The following RUNX1 variants were observed in gnomAD, a reference collection of about 807,000 sequenced individuals.
RUNX1 encodes the protein runt-related transcription factor 1.
Under a neutral mutation model 42.8 loss-of-function variants are expected in RUNX1, and 19 were observed. The ratio of observed to expected loss-of-function variants is 0.44; its 90% CI spans 0.31 to 0.65. The LOEUF is 0.65. RUNX1 is among the 30% of genes least tolerant of loss of function. The probability of loss-of-function intolerance (pLI) is 0.07; values close to 1 mark genes in which losing one functional copy is unlikely to be tolerated. For synonymous variants in RUNX1, 271 were observed against 289.4 expected (o/e 0.94, Z 0.64); for missense variants, 528 against 672.0 (o/e 0.79, Z 2.37).
chr21:34,862,806 T>C (rs1361498789), intron 5 of RUNX1, among the ~76,000 whole-genome samples: 1 of 152,216 alleles, frequency 6.6e-6, no homozygotes, highest in East Asian at 1.9e-4. Flanking sequence ...GAGAACACTA[T>C]TTAACTCAGT....
chr21:34,889,176 C>G (rs994811058), intron 3 of RUNX1, among the ~76,000 whole-genome samples: 6 of 151,878 alleles, frequency 4.0e-5, no homozygotes, highest in African/African-American at 1.4e-4. Context: ...CGGACGGCCC[C>G]AGATCCTGCG....
chr21:34,834,621 G>A lies in RUNX1; in HGVS notation c.614-20C>T, dbSNP rs767418895. 1.3e-5 allele frequency: 20 copies of A among 1,581,998 alleles called. No individual in the cohort carries two copies. The highest frequency in any genetic ancestry group is 1.7e-5 in the Admixed American group (1 of 59,818). ...GATGTCCTATTGTGGGGAGCAGGGA[G>A]GGGAGGGGATGGGGGGAGGGAAGGA... On this transcript the variant is annotated intron_variant, in intron 6 of 8. Coordinates refer to ENST00000675419, the MANE Select transcript of RUNX1 (RefSeq NM_001754.5).
At chr21:35,004,521 C>T (rs1021917139) in intron 2 of RUNX1, among the ~76,000 whole-genome samples, 8 of 152,162 alleles carry the variant, frequency 5.3e-5, no homozygotes, top group Non-Finnish European at 8.8e-5. Context: ...TAGCTGAGGG[C>T]GTGTCTTGAG....
chr21:34,953,551 G>A (rs888217998), intron 2 of RUNX1, among the ~76,000 whole-genome samples: 1 of 152,170 alleles, frequency 6.6e-6, no homozygotes, highest in African/African-American at 2.4e-5. Context: ...AAGGAGTCTA[G>A]GTTTTTGATG....
At chr21:35,038,739 T>C (rs759017316) in intron 2 of RUNX1, 58 of 455,974 alleles carry the variant, frequency 1.3e-4, no homozygotes, top group Non-Finnish European at 3.5e-5. Context: ...TATATATCCC[T>C]AATGGGAATT....
intron 5 of RUNX1, among the ~76,000 whole-genome samples, chr21:34,860,530 CGT>C (rs34768937): frequency 0.01 from 1,525 of 149,364 alleles, 19 homozygotes; most frequent in African/African-American, 0.035. Flanking sequence ...TGTGTCTGTG[CGT>C]GTGTGTGTGT....
chr21:34,966,174 T>G (rs1172959647), intron 2 of RUNX1, among the ~76,000 whole-genome samples: 1 of 152,180 alleles, frequency 6.6e-6, no homozygotes, highest in African/African-American at 2.4e-5. Context: ...AGTGGTTAAT[T>G]TGCCCAAGAT....
intron 2 of RUNX1, among the ~76,000 whole-genome samples, chr21:34,957,032 T>C (rs926031804): frequency 6.6e-6 from 1 of 152,164 alleles, no homozygotes; most frequent in African/African-American, 2.4e-5. Context: ...TTGTTCTTTT[T>C]GGAAGGAGTG....
At chr21:34,932,811 A>G (rs1001528483) in intron 2 of RUNX1, among the ~76,000 whole-genome samples, 3 of 152,122 alleles carry the variant, frequency 2.0e-5, no homozygotes, top group Admixed American at 1.3e-4. Context: ...ATGTTAACCA[A>G]CGGTGCCTAG....
chr21:34,954,639 C>T (rs1197096980), intron 2 of RUNX1, among the ~76,000 whole-genome samples: 1 of 152,140 alleles, frequency 6.6e-6, no homozygotes, highest in Non-Finnish European at 1.5e-5. Context: ...TAACCTCTTC[C>T]AGGTTGAGAA....
chr21:34,790,805 CTA>C lies in RUNX1; in HGVS notation c.*1328_*1329del. 4.3e-6 allele frequency: 1 copy of C among 233,278 alleles called. No homozygotes were observed. Among genetic ancestry groups the C allele is most frequent in the East Asian group, 6.0e-5 (1 of 16,598 alleles). The allele number at this position is 233,278 out of a possible 1,614,324, so 14.5% of individuals were successfully genotyped here. ...CTGCTTCTGGTGGGCCCTTAAATTG[CTA>C]TAATCGTAACCCCTAAATTCATTGA... is the stretch of plus-strand genomic sequence containing the variant. On this transcript the variant is annotated 3_prime_UTR_variant, in exon 9 of 9. Transcript: ENST00000675419.
At chr21:34,821,660 C>A in intron 7 of RUNX1, 1 of 1,571,522 alleles carries the variant, frequency 6.4e-7, no homozygotes, top group Non-Finnish European at 8.6e-7. Context: ...GAAGAACTGA[C>A]TTCTGCCTTA....
intron 7 of RUNX1, among the ~76,000 whole-genome samples, chr21:34,827,535 G>A (rs192936269): frequency 1.4e-4 from 21 of 152,292 alleles, no homozygotes; most frequent in East Asian, 7.7e-4. Context: ...GAAAGACCCC[G>A]AAAAGCATTT....
intron 7 of RUNX1, among the ~76,000 whole-genome samples, chr21:34,819,980 T>G (rs181785894): frequency 3.3e-5 from 5 of 152,372 alleles, no homozygotes; most frequent in Non-Finnish European, 5.9e-5. Flanking sequence ...GAAACTTGGT[T>G]AAAAGAAATC....
chr21:34,861,127 T>A (rs1334164684), intron 5 of RUNX1, among the ~76,000 whole-genome samples: 4 of 152,144 alleles, frequency 2.6e-5, no homozygotes, highest in Non-Finnish European at 5.9e-5. Context: ...AACTGGCCTG[T>A]CCCCAGAACC....
chr21:34,814,572 C>T (rs752732632), intron 7 of RUNX1, among the ~76,000 whole-genome samples: 2 of 152,236 alleles, frequency 1.3e-5, no homozygotes, highest in Non-Finnish European at 2.9e-5. Context: ...CCTCCAGTCT[C>T]GCAAGCTTTG....
intron 2 of RUNX1, among the ~76,000 whole-genome samples, chr21:34,935,426 G>A (rs2058477562): frequency 6.6e-6 from 1 of 152,116 alleles, no homozygotes; most frequent in South Asian, 2.1e-4. Flanking sequence ...TACGGTATAT[G>A]GAAGTTGAAG....
intron 2 of RUNX1, among the ~76,000 whole-genome samples, chr21:34,943,566 A>G (rs1308307111): frequency 6.6e-6 from 1 of 152,212 alleles, no homozygotes; most frequent in South Asian, 2.1e-4. Context: ...TAGAAAGCCA[A>G]TATGGCTTGG....
intron 2 of RUNX1, among the ~76,000 whole-genome samples, chr21:34,976,861 TAA>T (rs75849578): frequency 8.0e-4 from 118 of 147,630 alleles, no homozygotes; most frequent in African/African-American, 2.8e-3. Flanking sequence ...GTAGAAAAGT[TAA>T]AAAAAAAAAT....
Sources: allele counts gnomAD v4.1 joint callset (sites outside exome capture counted in the v4.1 genomes callset), GRCh38; gene constraint gnomAD v4.1.1; transcripts MANE v1.5; gene names NCBI Gene and HGNC (gene_info 2026-07-23, HGNC 2026-07-21).